The following PI4KA variants were observed in gnomAD, a reference collection of about 807,000 sequenced individuals.
The protein encoded by PI4KA is phosphatidylinositol 4-kinase alpha.
In PI4KA, 122 loss-of-function variants were observed where a neutral mutation model predicts 271.4. That is an observed-to-expected ratio of 0.45 (90% CI 0.39 to 0.52). The LOEUF (loss-of-function observed/expected upper bound fraction) is 0.52, where lower values mean the gene tolerates loss of function less well. Ranked by LOEUF, PI4KA falls within the 20% of genes least tolerant of loss-of-function variation. The probability of loss-of-function intolerance (pLI) is 0.00; values close to 1 mark genes in which losing one functional copy is unlikely to be tolerated. For missense variants in PI4KA, 1,969 were observed against 2,769.1 expected, an observed-to-expected ratio of 0.71 and a Z score of 6.48; for synonymous variants, 1,041 against 1,078.8, an observed-to-expected ratio of 0.96 and a Z score of 0.69.
intron 23 of PI4KA, among the ~76,000 whole-genome samples, chr22:20,758,425 A>G (rs1175964233): frequency 1.4e-5 from 2 of 143,500 alleles, no homozygotes; most frequent in Non-Finnish European, 3.0e-5. Context: ...TTAAAATATT[A>G]TAAGATTTTT....
At chr22:20,742,906 G>C (rs1477729509) in intron 30 of PI4KA, 142 bp from the exon 31 acceptor site, 1 of 685,176 alleles carries the variant, frequency 1.5e-6, no homozygotes, top group Admixed American at 2.3e-5. Context: ...CAGAGAGACA[G>C]GCTCATTTCA....
intron 23 of PI4KA, among the ~76,000 whole-genome samples, chr22:20,754,884 G>T (rs1601413249): frequency 6.6e-6 from 1 of 152,294 alleles, no homozygotes; most frequent in Non-Finnish European, 1.5e-5. Context: ...GGAGACAGAG[G>T]TTGCAGTGAG....
At chr22:20,799,013 G>T (rs1935140368) in intron 16 of PI4KA, 80 bp downstream of exon 16, 7 of 1,161,902 alleles carry the variant, frequency 6.0e-6, no homozygotes, top group Non-Finnish European at 8.6e-6. Context: ...TATTTAATCT[G>T]TATTTGTACA....
intron 11 of PI4KA, 39 bp downstream of exon 11, chr22:20,804,935 G>A: frequency 6.6e-7 from 1 of 1,525,372 alleles, no homozygotes; most frequent in Non-Finnish European, 9.0e-7. Context: ...TCTGGGTCAT[G>A]CCTGGAGCTC....
intron 36 of PI4KA, among the ~76,000 whole-genome samples, chr22:20,732,046 C>T (rs1928131922): frequency 6.6e-6 from 1 of 151,808 alleles, no homozygotes; most frequent in Non-Finnish European, 1.5e-5. Context: ...TGGTGGCAGG[C>T]GCCTGTAGTC....
At chr22:20,773,370 C>T (rs1932988248) in intron 19 of PI4KA, among the ~76,000 whole-genome samples, 1 of 152,112 alleles carries the variant, frequency 6.6e-6, no homozygotes, top group African/African-American at 2.4e-5. Context: ...TGGGCAGCAG[C>T]GCGAAACTCT....
At chr22:20,839,738 G>A (rs1410199707) in intron 1 of PI4KA, among the ~76,000 whole-genome samples, 2 of 152,272 alleles carry the variant, frequency 1.3e-5, no homozygotes, top group Admixed American at 6.5e-5. Context: ...GCTGAGGCAG[G>A]AGAATTGCTT....
chr22:20,754,579 C>T (rs1488033325), intron 23 of PI4KA, among the ~76,000 whole-genome samples: 1 of 152,208 alleles, frequency 6.6e-6, no homozygotes, highest in Non-Finnish European at 1.5e-5. Flanking sequence ...ACTTTGGCAT[C>T]CACGAGTGAA....
chr22:20,770,626 A>G (rs1445420649), intron 19 of PI4KA, among the ~76,000 whole-genome samples: 3 of 135,104 alleles, frequency 2.2e-5, no homozygotes, highest in South Asian at 2.4e-4. Context: ...ACACACACAC[A>G]CACACAAGCT....
chr22:20,719,828 C>T (rs752662030), intron 43 of PI4KA, among the ~76,000 whole-genome samples: 2 of 151,936 alleles, frequency 1.3e-5, no homozygotes, highest in Non-Finnish European at 2.9e-5. Context: ...AAATTGAGAC[C>T]ATCCTGGCTA....
chr22:20,819,174 T>C (rs1455851839), intron 6 of PI4KA, among the ~76,000 whole-genome samples: 2 of 152,208 alleles, frequency 1.3e-5, no homozygotes, highest in Admixed American at 6.5e-5. Context: ...TAATCTATAG[T>C]AGCGGCAGTT....
chr22:20,823,509 A>G (rs922065123), intron 4 of PI4KA, among the ~76,000 whole-genome samples: 1 of 152,264 alleles, frequency 6.6e-6, no homozygotes, highest in Admixed American at 6.5e-5. Context: ...GATAAATTTA[A>G]GAAAAAGTTG....
At chr22:20,797,785 G>A (rs1230254452) in intron 17 of PI4KA, among the ~76,000 whole-genome samples, 1 of 117,574 alleles carries the variant, frequency 8.5e-6, no homozygotes, top group East Asian at 2.7e-4. Context: ...AAACTGACAT[G>A]GAGAGAATCC....
rs759504524 is a variant in PI4KA, at chr22:20,711,419, G to A, written c.5845C>T (p.Leu1949=). ...FIRSMAAYSL[L]LFLLQIKDRH... is the part of the protein sequence containing the mutation. ...TCCTTGATCTGCAGCAGGAACAGCA[G>A]GAGGCTGTAGGCGGCCATGCTTCGG... is the stretch of plus-strand genomic sequence containing the variant. Residue 1949 remains leucine (L), a synonymous_variant, in exon 51 of 55, where the codon CTG becomes TTG. Coordinates refer to ENST00000255882, the MANE Select transcript of PI4KA (RefSeq NM_058004.4). The A allele has an allele frequency of 1.1e-5, 15 of 1,359,238 alleles. No homozygotes were observed. The South Asian group carries it at 1.4e-4, about 13-fold the overall frequency. 84.2% of individuals were successfully genotyped at this position (1,359,238 alleles called of 1,614,324 possible). A position where few individuals can be genotyped will look rare whatever the true frequency, so the allele number is the denominator to read the frequency against.
At chr22:20,711,614 G>T in intron 50 of PI4KA, 153 bp from the exon 51 acceptor site, 2 of 786,988 alleles carry the variant, frequency 2.5e-6, no homozygotes, top group Non-Finnish European at 4.1e-6. Flanking sequence ...CCAGTCTTCG[G>T]TAGCAGGAGT....
At chr22:20,787,080 G>A in intron 19 of PI4KA, 1 of 1,612,402 alleles carries the variant, frequency 6.2e-7, no homozygotes, top group Non-Finnish European at 8.5e-7. Flanking sequence ...TGGAGGTCTA[G>A]GTGTCTGAAG....
chr22:20,784,195 G>A (rs148086470), intron 19 of PI4KA: 36 of 1,614,158 alleles, frequency 2.2e-5, no homozygotes, highest in South Asian at 6.6e-5. Context: ...CCCTCGAAGC[G>A]CAACTGACAC....
chr22:20,850,530 G>A (rs974926533), intron 1 of PI4KA, among the ~76,000 whole-genome samples: 24 of 151,774 alleles, frequency 1.6e-4, no homozygotes, highest in Non-Finnish European at 2.9e-4. Flanking sequence ...TGCAAGCTCC[G>A]CCTCCCAGGT....
chr22:20,826,963 G>A (rs556973040), intron 3 of PI4KA, among the ~76,000 whole-genome samples: 1 of 152,020 alleles, frequency 6.6e-6, no homozygotes, highest in South Asian at 2.1e-4. Context: ...TGCATAGTTT[G>A]CAAATATTTT....
Sources: gnomAD v4.1 joint callset for allele counts (sites outside exome capture counted in the v4.1 genomes callset) on GRCh38, gnomAD v4.1.1 for gene constraint, MANE v1.5 for transcripts, NCBI Gene and HGNC (gene_info 2026-07-23, HGNC 2026-07-21) for gene names.